The following ZNF503 variants were observed in gnomAD, a reference collection of about 807,000 sequenced individuals.
The protein encoded by ZNF503 is NocA-like zinc finger 2.
Under a neutral mutation model 34.4 loss-of-function variants are expected in ZNF503, and 15 were observed. That is an observed-to-expected ratio of 0.44 (90% CI 0.29 to 0.67). The LOEUF is 0.67. Ranked by LOEUF, ZNF503 falls within the 30% of genes least tolerant of loss-of-function variation. The pLI is 0.13. For missense variants in ZNF503, 1,007 were observed against 926.8 expected (o/e 1.09, Z -1.12); for synonymous variants, 580 against 456.8 (o/e 1.27, Z -3.44).
chr10:75,329,419 C>CTTCCTTCCTTCCTTCCTTCCTTCCT, the ZNF503 span, among the ~76,000 whole-genome samples: 1 of 71,106 alleles, frequency 1.4e-5, no homozygotes, highest in African/African-American at 4.3e-5. Context: ...CCTTCCTTTC[C>CTTCCTTCCTTCCTTCCTTCCTTCCT]TTCCTTCCTT....
At position 75,399,786 on chromosome 10, in the gene ZNF503, G is replaced by T; in HGVS notation, c.904C>A (p.Pro302Thr). The T allele has an allele frequency of 6.3e-7, 1 of 1,595,970 alleles. No individual in the cohort carries two copies. Reference sequence around the variant, plus strand: ...TCCGAGCCCAGAGCCTTGCCTCCCGGGCCCCCATCCGGATGCTGGTTCACA... The same window carrying T: ...TCCGAGCCCAGAGCCTTGCCTCCCGTGCCCCCATCCGGATGCTGGTTCACA... ...VDVNQHPDGG[P>T]GGKALGSDCG... is the part of the protein sequence containing the mutation. The change falls in exon 2 of 2, where the codon CCG becomes ACG. Residue 302 changes from proline (P) to threonine (T), a missense_variant. Transcript: ENST00000372524.
At chr10:75,395,043 C>T (rs533124460), downstream of ZNF503, among the ~76,000 whole-genome samples, 4 of 152,342 alleles carry the variant, frequency 2.6e-5, no homozygotes, top group South Asian at 8.3e-4. The surrounding 1 kb of genome is among the most constrained non-coding windows in gnomAD (Gnocchi z 4.4). Flanking sequence ...GCCTCGGTTT[C>T]TCAAACTGTG....
At chr10:75,373,169 C>T in the ZNF503 span, among the ~76,000 whole-genome samples, 708 of 152,400 alleles carry the variant, frequency 4.6e-3, 2 homozygotes, top group African/African-American at 0.016. Flanking sequence ...CAGCCCTTCA[C>T]TGGGCATTGC....
At chr10:75,395,401 C>T (rs966876380), downstream of ZNF503, among the ~76,000 whole-genome samples, 6 of 152,176 alleles carry the variant, frequency 3.9e-5, no homozygotes, top group African/African-American at 1.2e-4. This position sits in a 1 kb window ranked among gnomAD's most constrained non-coding sequence, Gnocchi z 4.4. Flanking sequence ...AGTGGAAGCG[C>T]GGGGCCTCGG....
the ZNF503 span, among the ~76,000 whole-genome samples, chr10:75,294,044 G>T: frequency 6.6e-6 from 1 of 152,176 alleles, no homozygotes; most frequent in Non-Finnish European, 1.5e-5. Flanking sequence ...CGCAGTAGAG[G>T]CTCAATCCTA....
At chr10:75,371,970 C>T in the ZNF503 span, among the ~76,000 whole-genome samples, 4 of 152,182 alleles carry the variant, frequency 2.6e-5, no homozygotes, top group Non-Finnish European at 5.9e-5. Context: ...CACTCTGTTG[C>T]CCAGGCTGGA....
the ZNF503 span, among the ~76,000 whole-genome samples, chr10:75,300,371 G>A: frequency 1.3e-5 from 2 of 152,084 alleles, no homozygotes; most frequent in Non-Finnish European, 2.9e-5. Context: ...TACAATTTGT[G>A]CAGTTAACGC....
At chr10:75,328,793 C>A in the ZNF503 span, among the ~76,000 whole-genome samples, 1 of 144,018 alleles carries the variant, frequency 6.9e-6, no homozygotes, top group Non-Finnish European at 1.5e-5. Flanking sequence ...GTCTCCCAGA[C>A]TGGAGTGCAG....
At chr10:75,320,922 G>A in the ZNF503 span, among the ~76,000 whole-genome samples, 2 of 152,134 alleles carry the variant, frequency 1.3e-5, no homozygotes, top group Admixed American at 6.5e-5. Context: ...ACCATTTGGG[G>A]AAGTTAGGTA....
At chr10:75,298,332 T>G in the ZNF503 span, among the ~76,000 whole-genome samples, 1 of 152,210 alleles carries the variant, frequency 6.6e-6, no homozygotes, top group African/African-American at 2.4e-5. Flanking sequence ...AAACCCCATA[T>G]CTATTCATAG....
the ZNF503 span, among the ~76,000 whole-genome samples, chr10:75,325,332 T>A: frequency 0.021 from 2,003 of 95,040 alleles, 23 homozygotes; most frequent in African/African-American, 0.067. Flanking sequence ...TATATATATT[T>A]TTTTTTTTTT....
At chr10:75,362,332 A>C in the ZNF503 span, among the ~76,000 whole-genome samples, 1 of 152,072 alleles carries the variant, frequency 6.6e-6, no homozygotes, top group African/African-American at 2.4e-5. Flanking sequence ...TATATGCCCC[A>C]AAAGGGGGGC....
the ZNF503 span, among the ~76,000 whole-genome samples, chr10:75,349,279 ATGTAG>A: frequency 6.6e-6 from 1 of 152,170 alleles, no homozygotes; most frequent in African/African-American, 2.4e-5. Context: ...GTCTTTTTTA[ATGTAG>A]AACAGTTCTA....
At chr10:75,393,551 G>T (rs1263141825), downstream of ZNF503, among the ~76,000 whole-genome samples, 1 of 152,154 alleles carries the variant, frequency 6.6e-6, no homozygotes, top group Non-Finnish European at 1.5e-5. Context: ...CTACTGCTCT[G>T]TTTGAAAAAT....
At chr10:75,365,751 T>C in the ZNF503 span, among the ~76,000 whole-genome samples, 1 of 152,344 alleles carries the variant, frequency 6.6e-6, no homozygotes, top group South Asian at 2.1e-4. Context: ...TGAAATGAGT[T>C]AATATGGTAT....
the ZNF503 span, among the ~76,000 whole-genome samples, chr10:75,326,702 AT>A: frequency 1.4e-5 from 2 of 147,656 alleles, no homozygotes; most frequent in African/African-American, 2.5e-5. Flanking sequence ...GTACAGTGTG[AT>A]TTTTTTTTCA....
At chr10:75,390,700 G>A in the ZNF503 span, among the ~76,000 whole-genome samples, 4 of 152,270 alleles carry the variant, frequency 2.6e-5, no homozygotes, top group East Asian at 7.7e-4. Context: ...CTGGTTCTGG[G>A]TGACACCACT....
At chr10:75,382,570 T>C in the ZNF503 span, 1 of 463,454 alleles carries the variant, frequency 2.2e-6, no homozygotes, top group Non-Finnish European at 4.1e-6. Context: ...CCTTCCCAGA[T>C]ATTGGAGAGT....
the ZNF503 span, among the ~76,000 whole-genome samples, chr10:75,363,533 T>C: frequency 6.6e-6 from 1 of 152,336 alleles, no homozygotes; most frequent in South Asian, 2.1e-4. Context: ...GATCCTGCAA[T>C]GTTCAGGACA....
Sources: allele counts gnomAD v4.1 joint callset (sites outside exome capture counted in the v4.1 genomes callset), GRCh38; gene constraint gnomAD v4.1.1; non-coding constraint Gnocchi (gnomAD v3.1); transcripts MANE v1.5; gene names NCBI Gene and HGNC (gene_info 2026-07-23, HGNC 2026-07-21).